Variants in PRKCE observed in about 807,000 individuals in gnomAD.
The protein encoded by PRKCE is protein kinase C epsilon type.
In PRKCE, 16 loss-of-function variants were observed where a neutral mutation model predicts 85.4. The observed-to-expected ratio is 0.19, with a 90% CI of 0.13 to 0.28. The LOEUF (loss-of-function observed/expected upper bound fraction) is 0.28, where lower values mean the gene tolerates loss of function less well. Ranked by LOEUF, PRKCE falls within the 10% of genes least tolerant of loss-of-function variation. PRKCE has a pLI of 1.00. For missense variants in PRKCE, 573 were observed against 975.2 expected (o/e 0.59, Z 5.49); for synonymous variants, 388 against 371.5 (o/e 1.04, Z -0.51).
intron 2 of PRKCE, among the ~76,000 whole-genome samples, chr2:45,947,655 G>A (rs898285280): frequency 6.6e-6 from 1 of 152,220 alleles, no homozygotes; most frequent in African/African-American, 2.4e-5. Flanking sequence ...TACAGTCACA[G>A]TGTGCTGTTT....
chr2:45,878,198 G>A (rs908635025), intron 2 of PRKCE, among the ~76,000 whole-genome samples: 4 of 152,302 alleles, frequency 2.6e-5, no homozygotes, highest in East Asian at 3.9e-4. Flanking sequence ...CTGGTGTTTC[G>A]GTAACACCTT....
At chr2:45,845,624 A>AC (rs1691723940) in intron 2 of PRKCE, 1 of 152,182 alleles carries the variant, frequency 6.6e-6, no homozygotes. Flanking sequence ...TGGTGTGACT[A>AC]CACCCCCTTC....
At chr2:45,926,909 G>C (rs531329247) in intron 2 of PRKCE, among the ~76,000 whole-genome samples, 10 of 152,098 alleles carry the variant, frequency 6.6e-5, no homozygotes, top group African/African-American at 2.4e-4. Flanking sequence ...ATATGAACAT[G>C]TGTGAGTGTG....
At chr2:46,079,060 C>A (rs1229008891) in intron 10 of PRKCE, among the ~76,000 whole-genome samples, 7 of 151,584 alleles carry the variant, frequency 4.6e-5, no homozygotes, top group Non-Finnish European at 1.0e-4. Context: ...GCCTGTAGTC[C>A]CAGCTACCCG....
In PRKCE at chr2:45,991,457, G is replaced by A. The variant is rs187957193; in HGVS notation, c.823+6777G>A. Among the ~76,000 whole-genome samples, 46 of 152,186 alleles carry A rather than the reference G, an allele frequency of 3.0e-4. No homozygotes were observed. The East Asian group carries it at 6.9e-3, about 23-fold the overall frequency. Reference sequence around the variant, plus strand: ...TAAATATTTGTTAATTCAATCCTCCGTGCATAGTTATATAATTTGCTTTTC... The same window carrying A: ...TAAATATTTGTTAATTCAATCCTCCATGCATAGTTATATAATTTGCTTTTC... On this transcript the variant is annotated intron_variant, in intron 6 of 14. Transcript: ENST00000306156.
intron 1 of PRKCE, among the ~76,000 whole-genome samples, chr2:45,659,585 A>G (rs1252768436): frequency 1.3e-5 from 2 of 152,100 alleles, no homozygotes; most frequent in Non-Finnish European, 2.9e-5. Flanking sequence ...CTCTGACCCT[A>G]TCACTTGCCA....
Position 46,139,513 on chromosome 2 carries a change from C to A in PRKCE, c.1593-5580C>A, listed in dbSNP as rs1439661865. ...AAACAACTGTGCTCTAAATAAGATACAAGTTTCTTTCTTTTTCATATGAAA... is the reference window on the plus strand; with the variant it reads ...AAACAACTGTGCTCTAAATAAGATAAAAGTTTCTTTCTTTTTCATATGAAA... On this transcript the variant is annotated intron_variant, in intron 11 of 14. Transcript: ENST00000306156. This position sits in a 1 kb window ranked among gnomAD's most constrained non-coding sequence, Gnocchi z 5.2. Among the ~76,000 whole-genome samples, 2 of 152,044 alleles carry A rather than the reference C, an allele frequency of 1.3e-5. No homozygotes were observed. The highest frequency in any genetic ancestry group is 4.8e-5 in the African/African-American group (2 of 41,416).
intron 10 of PRKCE, among the ~76,000 whole-genome samples, chr2:46,011,143 C>T (rs928487601): frequency 1.3e-5 from 2 of 152,160 alleles, no homozygotes; most frequent in African/African-American, 4.8e-5. Context: ...CAGCAATGTT[C>T]TTCATGAAGC....
At chr2:45,924,279 G>A (rs547649769) in intron 2 of PRKCE, among the ~76,000 whole-genome samples, 2 of 152,152 alleles carry the variant, frequency 1.3e-5, no homozygotes, top group Non-Finnish European at 2.9e-5. Context: ...TTTTTGTTTG[G>A]GGAGAGGTAT....
chr2:45,710,075 C>T (rs959077394), intron 1 of PRKCE, among the ~76,000 whole-genome samples: 1 of 152,206 alleles, frequency 6.6e-6, no homozygotes, highest in Non-Finnish European at 1.5e-5. Flanking sequence ...GGATTACAGG[C>T]TTAGGCTACT....
intron 11 of PRKCE, among the ~76,000 whole-genome samples, chr2:46,134,867 C>T (rs969591064): frequency 6.6e-6 from 1 of 152,198 alleles, no homozygotes; most frequent in Admixed American, 6.5e-5. Context: ...AAACACAAGG[C>T]AATGCCTGCT....
At chr2:45,878,835 C>T (rs555287954) in intron 2 of PRKCE, among the ~76,000 whole-genome samples, 1 of 152,270 alleles carries the variant, frequency 6.6e-6, no homozygotes, top group South Asian at 2.1e-4. Context: ...TTAGTGTTTG[C>T]TCCATTTCTC....
At chr2:46,144,196 G>T (rs971642208) in intron 11 of PRKCE, among the ~76,000 whole-genome samples, 4 of 152,138 alleles carry the variant, frequency 2.6e-5, no homozygotes, top group Admixed American at 2.6e-4. Context: ...GCTCTTGCTT[G>T]CTGCACAGAA....
At chr2:45,993,793 G>A (rs1461023410) in intron 6 of PRKCE, among the ~76,000 whole-genome samples, 1 of 152,164 alleles carries the variant, frequency 6.6e-6, no homozygotes, top group Non-Finnish European at 1.5e-5. Context: ...ACAGAATTCT[G>A]GGCACAGTGC....
At chr2:45,995,501 A>G (rs956618698) in intron 6 of PRKCE, among the ~76,000 whole-genome samples, 3 of 152,148 alleles carry the variant, frequency 2.0e-5, no homozygotes, top group African/African-American at 7.2e-5. Context: ...ATTTAGGTCT[A>G]CAGTCCATTT....
At chr2:45,818,672 C>G (rs1185694069) in intron 1 of PRKCE, among the ~76,000 whole-genome samples, 1 of 152,164 alleles carries the variant, frequency 6.6e-6, no homozygotes, top group African/African-American at 2.4e-5. Flanking sequence ...ACAGAAAACT[C>G]AAAGGAGCCT....
chr2:46,027,952 T>A (rs1707240840), intron 10 of PRKCE, among the ~76,000 whole-genome samples: 1 of 152,034 alleles, frequency 6.6e-6, no homozygotes, highest in African/African-American at 2.4e-5. Flanking sequence ...TTTTTCTTTT[T>A]TTTTTTTGAG....
At chr2:45,758,030 G>A (rs1262357517) in intron 1 of PRKCE, among the ~76,000 whole-genome samples, 3 of 152,148 alleles carry the variant, frequency 2.0e-5, no homozygotes, top group African/African-American at 7.2e-5. Context: ...CCTAAAAGAC[G>A]GAATCAACAG....
intron 11 of PRKCE, among the ~76,000 whole-genome samples, chr2:46,105,299 T>G (rs898752798): frequency 2.0e-5 from 3 of 152,162 alleles, no homozygotes; most frequent in African/African-American, 7.2e-5. Flanking sequence ...CATATTAGAG[T>G]CTATAGCTAG....
Sources: gnomAD v4.1 joint callset for allele counts (sites outside exome capture counted in the v4.1 genomes callset) on GRCh38, gnomAD v4.1.1 for gene constraint, Gnocchi (gnomAD v3.1) non-coding constraint, MANE v1.5 for transcripts, NCBI Gene and HGNC (gene_info 2026-07-23, HGNC 2026-07-21) for gene names.